Variants in ABCA13 observed in about 807,000 individuals in gnomAD.
ABCA13 encodes ATP-binding cassette sub-family A member 13.
In ABCA13, 476 loss-of-function variants were observed where a neutral mutation model predicts 478.7. The observed-to-expected ratio is 0.99, with a 90% confidence interval of 0.92 to 1.07. The LOEUF is 1.07. Among genes scored for constraint, ABCA13 ranks in the 50% least tolerant of loss-of-function variants. The probability of loss-of-function intolerance (pLI) is 0.00; values close to 1 mark genes in which losing one functional copy is unlikely to be tolerated. For missense variants in ABCA13, 6,060 were observed against 5,910.6 expected, an observed-to-expected ratio of 1.03 and a Z score of -0.83; for synonymous variants, 2,252 against 2,158.9, an observed-to-expected ratio of 1.04 and a Z score of -1.20.
At chr7:48,586,591 G>T (rs1789202898) in intron 56 of ABCA13, among the ~76,000 whole-genome samples, 1 of 152,038 alleles carries the variant, frequency 6.6e-6, no homozygotes, top group Non-Finnish European at 1.5e-5. Flanking sequence ...TGCGGAGGGA[G>T]GGCGTGTGAC....
rs1362217260 is a variant in ABCA13 at position 48,434,718 on chromosome 7, C to G, written c.12565+6847C>G. On this transcript the variant is annotated intron_variant, in intron 42 of 61. Transcript: ENST00000435803. ...TATGGTAGGTGTCCATTTTTATTCT[C>G]TTGCATATGGATATCCAGTATTCCC... 2.0e-5 allele frequency among the ~76,000 whole-genome samples: 3 copies of G among 151,924 alleles called. No homozygotes were observed. The East Asian group carries it at 5.8e-4, about 29-fold the overall frequency.
At position 48,278,107 on chromosome 7, in the gene ABCA13, G is replaced by A. The variant is rs776363780; in HGVS notation, c.6913G>A (p.Asp2305Asn). 9.2e-6 allele frequency: 12 copies of A among 1,302,266 alleles called. No homozygotes were observed. In the African/African-American group the frequency reaches 1.8e-4, roughly 20 times the overall value. 80.7% of individuals were successfully genotyped at this position (1,302,266 alleles called of 1,614,324 possible). Reference sequence around the variant, plus strand: ...ATATATTTACAGTTTTGTCCCAAAAGATAAAATTCTAGAAATTCTGAAACT... The same window carrying A: ...ATATATTTACAGTTTTGTCCCAAAAAATAAAATTCTAGAAATTCTGAAACT... ...VIAEMSFVPK[D>N]KILEILKLDQ... is the part of the protein sequence containing the mutation. The change falls in exon 18 of 62, where the codon GAT (aspartate) becomes AAT (asparagine). Residue 2305 changes from aspartate (D) to asparagine (N), a missense_variant. Asp to Asn is a conservative substitution (Grantham distance 23). Around this residue, in one of 3 missense-constraint regions of ABCA13, gnomAD observed 4,423 missense variants for 4,309.1 expected, o/e 1.03. Transcript: ENST00000435803.
intron 42 of ABCA13, among the ~76,000 whole-genome samples, chr7:48,432,277 C>G (rs1250240261): frequency 1.3e-5 from 2 of 151,942 alleles, no homozygotes; most frequent in African/African-American, 4.8e-5. Context: ...GAGATATAAC[C>G]TTATATCTGT....
At position 48,270,027 on chromosome 7, in the gene ABCA13, A is replaced by G. The variant is rs146551146; in HGVS notation, c.2120+933A>G. Among the ~76,000 whole-genome samples, 1,284 of 152,324 alleles carry G rather than the reference A, an allele frequency of 8.4e-3. 79 individuals carry two copies. The highest frequency in any genetic ancestry group is 0.082 in the Admixed American group (1,247 of 15,294). ...TAGAAAACCAGCACAAAACTAGTCTATATGTGCACAAGGACACATTTAATT... is the reference window on the plus strand; with the variant it reads ...TAGAAAACCAGCACAAAACTAGTCTGTATGTGCACAAGGACACATTTAATT... On this transcript the variant is annotated intron_variant, in intron 16 of 61. Coordinates refer to ENST00000435803, the MANE Select transcript of ABCA13 (RefSeq NM_152701.5).
chr7:48,302,985 C>A (rs1800364733), intron 23 of ABCA13, among the ~76,000 whole-genome samples: 1 of 152,160 alleles, frequency 6.6e-6, no homozygotes. Context: ...TCTCTGCAAC[C>A]TCATCAGAAT....
intron 55 of ABCA13, among the ~76,000 whole-genome samples, chr7:48,565,606 G>A (rs1376140474): frequency 6.6e-6 from 1 of 152,024 alleles, no homozygotes; most frequent in Non-Finnish European, 1.5e-5. Flanking sequence ...GCTCATGTGT[G>A]TAATCCCAGC....
intron 58 of ABCA13, among the ~76,000 whole-genome samples, chr7:48,599,862 A>G (rs1790699736): frequency 6.6e-6 from 1 of 152,200 alleles, no homozygotes; most frequent in Non-Finnish European, 1.5e-5. Flanking sequence ...TATCCTAGAG[A>G]ATTGTCTATG....
intron 39 of ABCA13, among the ~76,000 whole-genome samples, chr7:48,409,981 C>T (rs893953560): frequency 5.3e-5 from 8 of 149,820 alleles, no homozygotes; most frequent in Non-Finnish European, 1.0e-4. Flanking sequence ...GTAGTCCTAG[C>T]TACTCTGGAG....
chr7:48,467,539 T>A (rs73330058), intron 44 of ABCA13, among the ~76,000 whole-genome samples: 87 of 152,332 alleles, frequency 5.7e-4, no homozygotes, highest in African/African-American at 2.0e-3. Flanking sequence ...ATTGTGATGA[T>A]CTTTCTATGA....
Position 48,633,006 on chromosome 7 carries a change from T to G in ABCA13, c.14838-10282T>G, listed in dbSNP as rs1224251598. ...AACATAGGGATAAATCTTCATGACC[T>G]TGAAACTGTCAGTGGATTCTCAGAT... On this transcript the variant is annotated intron_variant, in intron 59 of 61. Transcript: ENST00000435803. Among the ~76,000 whole-genome samples, 4 of 152,164 alleles carry G rather than the reference T, an allele frequency of 2.6e-5. No homozygotes were observed. The East Asian group carries it at 7.7e-4, about 29-fold the overall frequency.
intron 1 of ABCA13, among the ~76,000 whole-genome samples, chr7:48,172,824 A>G (rs1794324469): frequency 8.0e-6 from 1 of 124,792 alleles, no homozygotes. Flanking sequence ...AAAAAAAAAA[A>G]AAAAAAAAAA....
intron 19 of ABCA13, among the ~76,000 whole-genome samples, chr7:48,286,364 G>C (rs1415089357): frequency 6.6e-6 from 1 of 152,016 alleles, no homozygotes; most frequent in Non-Finnish European, 1.5e-5. Flanking sequence ...TAGCAACCAC[G>C]GATCTTTTTA....
chr7:48,256,793 A>AT (rs1224155421), intron 15 of ABCA13, among the ~76,000 whole-genome samples: 1 of 152,194 alleles, frequency 6.6e-6, no homozygotes, highest in Non-Finnish European at 1.5e-5. Flanking sequence ...TGCCTTGGCT[A>AT]TTCGGGCACT....
At chr7:48,258,960 T>C (rs1021135685) in intron 15 of ABCA13, among the ~76,000 whole-genome samples, 23 of 152,136 alleles carry the variant, frequency 1.5e-4, no homozygotes, top group Non-Finnish European at 2.6e-4. Flanking sequence ...TATTGTGCTG[T>C]GGTCTGATAG....
In ABCA13 at chr7:48,274,695, C is replaced by G; in HGVS notation, c.5029C>G (p.Leu1677Val). 6.2e-7 allele frequency: 1 copy of G among 1,613,940 alleles called. No individual in the cohort carries two copies. The highest frequency in any genetic ancestry group is 1.3e-5 in the African/African-American group (1 of 75,042). ...TACCCTTAAGAAGGCAGACATAGAC[C>G]TTTTAGTGGATCAGCTTGAACAAGT... ...MRTLKKADID[L>V]LVDQLEQVSV... is the part of the protein sequence containing the mutation. The change falls in exon 17 of 62, where the codon CTT (leucine) becomes GTT (valine). Residue 1677 changes from leucine to valine, a missense_variant. By Grantham distance (32) the Leu-to-Val change is conservative. Around this residue, in one of 3 missense-constraint regions of ABCA13, gnomAD observed 4,423 missense variants for 4,309.1 expected, o/e 1.03. Coordinates refer to ENST00000435803, the MANE Select transcript of ABCA13 (RefSeq NM_152701.5).
intron 27 of ABCA13, among the ~76,000 whole-genome samples, chr7:48,320,010 C>G (rs1803203875): frequency 6.6e-6 from 1 of 152,156 alleles, no homozygotes; most frequent in East Asian, 1.9e-4. Flanking sequence ...GTGTGCACCT[C>G]CATCTATCAG....
intron 26 of ABCA13, among the ~76,000 whole-genome samples, chr7:48,315,668 C>T (rs1463526287): frequency 1.3e-5 from 2 of 151,938 alleles, no homozygotes; most frequent in African/African-American, 2.4e-5. Context: ...TTAGTAGAGA[C>T]GGGGTTTCAC....
intron 31 of ABCA13, among the ~76,000 whole-genome samples, chr7:48,365,964 C>G (rs899573598): frequency 6.6e-6 from 1 of 152,046 alleles, no homozygotes; most frequent in African/African-American, 2.4e-5. Context: ...TATTAAAATA[C>G]CAATGACATT....
chr7:48,611,914 G>A (rs1350418233), intron 58 of ABCA13: 4 of 152,196 alleles, frequency 2.6e-5, no homozygotes, highest in Non-Finnish European at 5.9e-5. Flanking sequence ...AAAGAAATAT[G>A]TGTTTGTACA....
Sources: allele counts gnomAD v4.1 joint callset (sites outside exome capture counted in the v4.1 genomes callset), GRCh38; gene constraint gnomAD v4.1.1; regional missense constraint gnomAD v4.1.1; transcripts MANE v1.5; gene names NCBI Gene and HGNC (gene_info 2026-07-23, HGNC 2026-07-21).